B3GALNT2: variants seen among roughly 807,000 people sequenced by gnomAD.
B3GALNT2 encodes the protein beta-1,3-N-acetylgalactosaminyltransferase 2.
In B3GALNT2, 53 loss-of-function variants were observed where a neutral mutation model predicts 61.1. That is an observed-to-expected ratio of 0.87 (90% confidence interval 0.70 to 1.09). B3GALNT2 has a LOEUF of 1.09. B3GALNT2 is among the 50% of genes least tolerant of loss of function. The probability of loss-of-function intolerance (pLI) is 0.00; values close to 1 mark genes in which losing one functional copy is unlikely to be tolerated. For synonymous variants in B3GALNT2, 223 were observed against 237.4 expected, an observed-to-expected ratio of 0.94 and a Z score of 0.56; for missense variants, 544 against 623.0, an observed-to-expected ratio of 0.87 and a Z score of 1.35.
chr1:235,443,123 C>T (rs1186883872), downstream of B3GALNT2: 10 of 585,604 alleles, frequency 1.7e-5, no homozygotes, highest in Non-Finnish European at 3.0e-5. Flanking sequence ...ACTTTATCAG[C>T]TGAAAGCAGT....
chr1:235,481,944 A>C (rs1684580891), intron 4 of B3GALNT2, among the ~76,000 whole-genome samples: 1 of 152,242 alleles, frequency 6.6e-6, no homozygotes, highest in South Asian at 2.1e-4. Context: ...ATTTAGAGGA[A>C]GAACAGGGCA....
downstream of B3GALNT2, among the ~76,000 whole-genome samples, chr1:235,444,277 C>T (rs1682095028): frequency 6.6e-6 from 1 of 152,178 alleles, no homozygotes; most frequent in African/African-American, 2.4e-5. Flanking sequence ...TGTAATTTGG[C>T]TACTGCTATA....
chr1:235,494,836 T>C lies in B3GALNT2; in HGVS notation c.113-8A>G, dbSNP rs753801534. ...GAAATAAGGCCAACTGATCTAGAAATAAGAACAATACATGAGAAATAAGTC... is the reference window on the plus strand; with the variant it reads ...GAAATAAGGCCAACTGATCTAGAAACAAGAACAATACATGAGAAATAAGTC... On this transcript the variant is annotated splice_polypyrimidine_tract_variant and splice_region_variant and intron_variant, in intron 1 of 11. Transcript: ENST00000366600. The C allele has an allele frequency of 1.9e-6, 3 of 1,593,268 alleles. No homozygotes were observed. The highest frequency in any genetic ancestry group is 2.6e-6 in the Non-Finnish European group (3 of 1,162,600).
intron 2 of B3GALNT2, among the ~76,000 whole-genome samples, chr1:235,494,266 T>C (rs971095140): frequency 2.9e-5 from 3 of 102,868 alleles, no homozygotes; most frequent in African/African-American, 1.5e-4. Flanking sequence ...CAAACCACAC[T>C]GGGTATCTAA....
chr1:235,491,932 G>A (rs10925838), intron 2 of B3GALNT2, among the ~76,000 whole-genome samples: 155 of 152,222 alleles, frequency 1.0e-3, no homozygotes, highest in African/African-American at 3.6e-3. Flanking sequence ...ATATAGAAGT[G>A]TTAGGAGTTT....
intron 3 of B3GALNT2, among the ~76,000 whole-genome samples, chr1:235,487,128 T>G (rs1225598410): frequency 6.9e-6 from 1 of 145,496 alleles, no homozygotes. Flanking sequence ...GCCATTGCAC[T>G]CCAGTCTGGG....
chr1:235,481,280 A>G (rs960947923), intron 4 of B3GALNT2, among the ~76,000 whole-genome samples: 1 of 152,238 alleles, frequency 6.6e-6, no homozygotes, highest in African/African-American at 2.4e-5. Flanking sequence ...TAGAAGTTAT[A>G]TCGACATGAT....
At chr1:235,478,148 G>T (rs1684373609) in intron 5 of B3GALNT2, among the ~76,000 whole-genome samples, 1 of 152,120 alleles carries the variant, frequency 6.6e-6, no homozygotes, top group Non-Finnish European at 1.5e-5. Flanking sequence ...TGTCCCCCGG[G>T]TTCAAGCGAT....
chr1:235,448,543 A>G lies in B3GALNT2; in HGVS notation c.*1663T>C. 5 of 1,392,592 alleles carry G rather than the reference A, an allele frequency of 3.6e-6. No individual in the cohort carries two copies. Among genetic ancestry groups the G allele is most frequent in the Non-Finnish European group, 5.1e-6 (5 of 978,614 alleles). 86.3% of individuals were successfully genotyped at this position (1,392,592 alleles called of 1,614,324 possible). On this transcript the variant is annotated 3_prime_UTR_variant, in exon 12 of 12. Coordinates refer to ENST00000366600, the MANE Select transcript of B3GALNT2 (RefSeq NM_152490.5). ...AACAGTTTGATTCTAAATGGAGACC[A>G]TGGGTCTGTTTGTTTGATTTTAAGG...
At chr1:235,452,473 T>C (rs1372134718) in intron 11 of B3GALNT2, 1 of 152,186 alleles carries the variant, frequency 6.6e-6, no homozygotes. Context: ...TTTCTGCCCA[T>C]GGTGTGATAA....
chr1:235,471,098 T>A, intron 5 of B3GALNT2, 138 bp from the exon 6 acceptor site: 2 of 1,437,172 alleles, frequency 1.4e-6, no homozygotes, highest in Non-Finnish European at 1.8e-6. Context: ...AACTCTGACA[T>A]ACCACTGTTA....
chr1:235,451,457 G>A (rs1166515341), intron 11 of B3GALNT2: 2 of 111,006 alleles, frequency 1.8e-5, no homozygotes, highest in African/African-American at 3.5e-5. Flanking sequence ...AGTTTCCAAA[G>A]ACATGAGATG....
At chr1:235,474,973 ATATATATATATATATT>A (rs1178380949) in intron 5 of B3GALNT2, among the ~76,000 whole-genome samples, 1 of 29,784 alleles carries the variant, frequency 3.4e-5, no homozygotes, top group African/African-American at 1.6e-4. Flanking sequence ...ATATATATAT[ATATATATATATATATT>A]TTTTTTTTTT....
Position 235,504,350 on chromosome 1 carries a change from C to A in B3GALNT2, c.-98G>T, listed in dbSNP as rs1572575464. 1 of 1,319,980 alleles carries A rather than the reference C, an allele frequency of 7.6e-7. No individual in the cohort carries two copies. Among genetic ancestry groups the A allele is most frequent in the Non-Finnish European group, 1.0e-6 (1 of 1,001,594 alleles). 81.8% of individuals were successfully genotyped at this position (1,319,980 alleles called of 1,614,324 possible). A position where few individuals can be genotyped will look rare whatever the true frequency, so the allele number is the denominator to read the frequency against. ...TGAGGGGCGGCGGCTGACGAGCGAC[C>A]ACTCCGAGCACGCCCGCCCTCGCGC... On this transcript the variant is annotated 5_prime_UTR_variant, in exon 1 of 12. Coordinates refer to ENST00000366600, the MANE Select transcript of B3GALNT2 (RefSeq NM_152490.5).
At chr1:235,492,005 C>T (rs573289449) in intron 2 of B3GALNT2, among the ~76,000 whole-genome samples, 20 of 152,270 alleles carry the variant, frequency 1.3e-4, no homozygotes, top group Admixed American at 2.0e-4. Context: ...TTTTATTATA[C>T]GATTACACCT....
Position 235,454,309 on chromosome 1 carries a change from T to C in B3GALNT2, c.1158A>G (p.Arg386=), listed in dbSNP as rs1683065256. The C allele has an allele frequency of 1.2e-6, 2 of 1,609,268 alleles. No individual in the cohort carries two copies. Among genetic ancestry groups the C allele is most frequent in the African/African-American group, 2.7e-5 (2 of 74,782 alleles). Residue 386 remains arginine, a synonymous_variant, in exon 10 of 12, where the codon AGA becomes AGG. Coordinates refer to ENST00000366600, the MANE Select transcript of B3GALNT2 (RefSeq NM_152490.5). The stretch of plus-strand genomic sequence containing the variant: ...CGGTTCGGTCAACTGCCCAATTCAG[T>C]CTGAAACTGAGATGAAAAATAATGT... The part of the protein sequence containing the change: ...DGPNFWWGNF[R]LNWAVDRTGK...
chr1:235,494,838 A>G lies in B3GALNT2; in HGVS notation c.113-10T>C. 6.3e-7 allele frequency: 1 copy of G among 1,590,320 alleles called. No homozygotes were observed. The highest frequency in any genetic ancestry group is 8.6e-7 in the Non-Finnish European group (1 of 1,160,206). On this transcript the variant is annotated splice_polypyrimidine_tract_variant and intron_variant, in intron 1 of 11. Coordinates refer to ENST00000366600, the MANE Select transcript of B3GALNT2 (RefSeq NM_152490.5). Reference sequence around the variant, plus strand: ...AATAAGGCCAACTGATCTAGAAATAAGAACAATACATGAGAAATAAGTCAT... The same window carrying G: ...AATAAGGCCAACTGATCTAGAAATAGGAACAATACATGAGAAATAAGTCAT...
intron 5 of B3GALNT2, among the ~76,000 whole-genome samples, chr1:235,472,850 T>C (rs537812189): frequency 1.3e-5 from 2 of 152,304 alleles, no homozygotes; most frequent in African/African-American, 4.8e-5. Context: ...ATAAGCTAGG[T>C]CAGTGGTTTA....
intron 1 of B3GALNT2, among the ~76,000 whole-genome samples, chr1:235,503,384 G>A (rs915541717): frequency 6.6e-6 from 1 of 152,226 alleles, no homozygotes; most frequent in Non-Finnish European, 1.5e-5. Flanking sequence ...GCTGGGCACC[G>A]TAAGTAAAGC....
Sources: allele counts gnomAD v4.1 joint callset (sites outside exome capture counted in the v4.1 genomes callset), GRCh38; gene constraint gnomAD v4.1.1; transcripts MANE v1.5; gene names NCBI Gene and HGNC (gene_info 2026-07-23, HGNC 2026-07-21).